The following MITF variants were observed in gnomAD, a reference collection of about 807,000 sequenced individuals.
The protein encoded by MITF is melanocyte inducing transcription factor, also known as microphthalmia-associated transcription factor.
In MITF, 17 loss-of-function variants were observed where a neutral mutation model predicts 60.5. The ratio of observed to expected loss-of-function variants is 0.28; its 90% CI spans 0.19 to 0.42. MITF has a LOEUF of 0.42. MITF is among the 10% of genes least tolerant of loss of function. The pLI is 1.00. For missense variants in MITF, 622 were observed against 683.5 expected, an observed-to-expected ratio of 0.91 and a Z score of 1.00; for synonymous variants, 260 against 248.5, an observed-to-expected ratio of 1.05 and a Z score of -0.43.
intron 1 of MITF, among the ~76,000 whole-genome samples, chr3:69,825,919 A>G (rs1355850348): frequency 6.6e-6 from 1 of 152,182 alleles, no homozygotes. Context: ...TTATATTTAT[A>G]TATTAAGATT....
intron 1 of MITF, among the ~76,000 whole-genome samples, chr3:69,812,410 G>C (rs1249872915): frequency 1.3e-5 from 2 of 152,294 alleles, no homozygotes; most frequent in Non-Finnish European, 2.9e-5. Flanking sequence ...GATTTGAGTT[G>C]TTTGCTTTCA....
intron 1 of MITF, among the ~76,000 whole-genome samples, chr3:69,799,910 G>A (rs2062890188): frequency 6.6e-6 from 1 of 152,118 alleles, no homozygotes; most frequent in African/African-American, 2.4e-5. Context: ...TATAAATTTA[G>A]TGTTTTTCAG....
chr3:69,952,521 A>G (rs2066282960), intron 7 of MITF, among the ~76,000 whole-genome samples: 1 of 152,124 alleles, frequency 6.6e-6, no homozygotes. Context: ...GAGGTAGGAA[A>G]TTGTGTGTGA....
intron 1 of MITF, among the ~76,000 whole-genome samples, chr3:69,800,184 A>G (rs2062895489): frequency 6.6e-6 from 1 of 152,166 alleles, no homozygotes; most frequent in Non-Finnish European, 1.5e-5. Flanking sequence ...TGGACATTTC[A>G]TATAAATGGG....
chr3:69,823,489 A>G (rs1024669788), intron 1 of MITF, among the ~76,000 whole-genome samples: 1 of 152,124 alleles, frequency 6.6e-6, no homozygotes, highest in Non-Finnish European at 1.5e-5. Context: ...TAATAAGGGC[A>G]CTAATGCCAT....
intron 1 of MITF, among the ~76,000 whole-genome samples, chr3:69,752,896 C>T (rs1703986917): frequency 6.6e-6 from 1 of 152,208 alleles, no homozygotes; most frequent in Non-Finnish European, 1.5e-5. Flanking sequence ...GCCATGACTG[C>T]AGGTTTCCTG....
At chr3:69,741,615 C>G (rs1276400836) in intron 1 of MITF, among the ~76,000 whole-genome samples, 1 of 152,124 alleles carries the variant, frequency 6.6e-6, no homozygotes, top group African/African-American at 2.4e-5. Flanking sequence ...GAAGAAATGG[C>G]TTCACACGTT....
At chr3:69,801,751 C>T (rs756942606) in intron 1 of MITF, among the ~76,000 whole-genome samples, 11 of 152,156 alleles carry the variant, frequency 7.2e-5, no homozygotes, top group Non-Finnish European at 1.5e-4. Flanking sequence ...TGAGGGCCTA[C>T]TGGGTGACAA....
chr3:69,849,458 CT>C (rs1313585190), intron 1 of MITF, among the ~76,000 whole-genome samples: 1 of 152,230 alleles, frequency 6.6e-6, no homozygotes, highest in Non-Finnish European at 1.5e-5. Context: ...AGTGTATTCA[CT>C]GCTTGTACTT....
chr3:69,831,966 C>A (rs776632050), intron 1 of MITF, among the ~76,000 whole-genome samples: 5 of 152,116 alleles, frequency 3.3e-5, no homozygotes, highest in Non-Finnish European at 5.9e-5. Flanking sequence ...TAGGTATAGC[C>A]AGCCAGTCTC....
intron 2 of MITF, among the ~76,000 whole-genome samples, chr3:69,929,385 G>T (rs763956530): frequency 6.6e-6 from 1 of 152,128 alleles, no homozygotes; most frequent in Non-Finnish European, 1.5e-5. Flanking sequence ...TAATGCTCCT[G>T]GGGTGGGGTG....
At chr3:69,901,103 C>T (rs764099003) in intron 2 of MITF, among the ~76,000 whole-genome samples, 2 of 151,022 alleles carry the variant, frequency 1.3e-5, no homozygotes, top group Admixed American at 6.6e-5. Context: ...TTTATATTTC[C>T]ATGACTTGGT....
intron 2 of MITF, among the ~76,000 whole-genome samples, chr3:69,888,198 T>G (rs2064669727): frequency 6.6e-6 from 1 of 152,076 alleles, no homozygotes; most frequent in South Asian, 2.1e-4. Flanking sequence ...GAAATTTTGT[T>G]GAGCCTTAAT....
chr3:69,889,091 T>A (rs1042556494), intron 2 of MITF, among the ~76,000 whole-genome samples: 9 of 135,650 alleles, frequency 6.6e-5, no homozygotes, highest in Admixed American at 5.9e-4. Flanking sequence ...GCAGCCAGGC[T>A]AATCTTAAAA....
At position 69,851,474 on chromosome 3, in the gene MITF, C is replaced by T. The variant is rs566554243; in HGVS notation, c.105-27660C>T. Among the ~76,000 whole-genome samples, 6 of 152,080 alleles carry T rather than the reference C, an allele frequency of 3.9e-5. No homozygotes were observed. The South Asian group carries it at 6.2e-4, about 16-fold the overall frequency. On this transcript the variant is annotated intron_variant, in intron 1 of 9. Coordinates refer to ENST00000352241, the MANE Select transcript of MITF (RefSeq NM_001354604.2). ...ATCCATACAATAGAATACTAATTAG[C>T]GATAGAAAGGAACAAGCTACCGATA...
Position 69,879,312 on chromosome 3 carries a change from A to T in MITF, c.283A>T (p.Thr95Ser), listed in dbSNP as rs763636573. ...FMQQRVPVSQ[T>S]PAINVSVPTT... The stretch of plus-strand genomic sequence containing the variant: ...GCAACAGAGAGTGCCCGTGAGTCAG[A>T]CACCAGCCATAAACGTCAGTGTGCC... The change falls in exon 2 of 10, where the codon ACA becomes TCA. Residue 95 changes from threonine to serine, a missense_variant. By Grantham distance (58) the Thr-to-Ser change is moderately conservative. Transcript: ENST00000352241. 1 of 1,613,250 alleles carries T rather than the reference A, an allele frequency of 6.2e-7. No individual in the cohort carries two copies. Among genetic ancestry groups the T allele is most frequent in the Non-Finnish European group, 8.5e-7 (1 of 1,179,944 alleles).
chr3:69,780,340 A>G (rs188115486), intron 1 of MITF, among the ~76,000 whole-genome samples: 3 of 152,218 alleles, frequency 2.0e-5, no homozygotes, highest in African/African-American at 4.8e-5. Flanking sequence ...AAATCTCTCA[A>G]TTTTTAAATG....
At chr3:69,916,880 A>G (rs2065345967) in intron 2 of MITF, among the ~76,000 whole-genome samples, 1 of 152,240 alleles carries the variant, frequency 6.6e-6, no homozygotes, top group South Asian at 2.1e-4. Context: ...TAAAATAAAC[A>G]CATCATGGTG....
At chr3:69,781,972 A>G (rs548584139) in intron 1 of MITF, among the ~76,000 whole-genome samples, 48 of 152,284 alleles carry the variant, frequency 3.2e-4, no homozygotes, top group African/African-American at 9.9e-4. Context: ...TTCATTTGGA[A>G]CAGACACTAA....
Sources: gnomAD v4.1 joint callset for allele counts (sites outside exome capture counted in the v4.1 genomes callset) on GRCh38, gnomAD v4.1.1 for gene constraint, MANE v1.5 for transcripts, NCBI Gene and HGNC (gene_info 2026-07-23, HGNC 2026-07-21) for gene names.